Variants in TMEM154 observed in about 807,000 individuals in gnomAD.
The protein encoded by TMEM154 is transmembrane protein 154.
A neutral mutation model predicts 24.5 loss-of-function variants in TMEM154; 27 were observed. The ratio of observed to expected loss-of-function variants is 1.10; its 90% CI spans 0.81 to 1.52. The LOEUF (loss-of-function observed/expected upper bound fraction) is 1.52. Ranked by LOEUF, TMEM154 falls within the 40% of genes most tolerant of loss-of-function variation. The pLI is 0.00. For missense variants in TMEM154, 228 were observed against 213.4 expected, an observed-to-expected ratio of 1.07 and a Z score of -0.43; for synonymous variants, 67 against 76.8, an observed-to-expected ratio of 0.87 and a Z score of 0.67.
chr4:152,643,239 G>A (rs1752290487), intron 4 of TMEM154, 66 bp from the exon 5 acceptor site: 1 of 1,213,126 alleles, frequency 8.2e-7, no homozygotes, highest in Admixed American at 2.0e-5. Context: ...CATTTGGAAA[G>A]AGACTAGAAT....
intron 1 of TMEM154, among the ~76,000 whole-genome samples, chr4:152,665,244 C>T (rs533795918): frequency 6.6e-6 from 1 of 152,164 alleles, no homozygotes; most frequent in Non-Finnish European, 1.5e-5. Context: ...AGGGGTAGAA[C>T]CCAGGTCTCA....
chr4:152,679,250 CA>C (rs143908710), intron 1 of TMEM154, among the ~76,000 whole-genome samples: 75 of 147,530 alleles, frequency 5.1e-4, no homozygotes, highest in African/African-American at 1.2e-3. Flanking sequence ...ACAATCAATG[CA>C]AAAAAAAAAT....
At chr4:152,658,812 C>CAAAAAA (rs1266761468) in intron 1 of TMEM154, among the ~76,000 whole-genome samples, 2 of 96,010 alleles carry the variant, frequency 2.1e-5, no homozygotes, top group African/African-American at 8.4e-5. Context: ...GATTCCATCT[C>CAAAAAA]AAAAGAAAAA....
At chr4:152,650,428 C>T (rs1006480360) in intron 3 of TMEM154, among the ~76,000 whole-genome samples, 6 of 151,946 alleles carry the variant, frequency 3.9e-5, no homozygotes, top group East Asian at 3.8e-4. Flanking sequence ...AGCCACTTAA[C>T]GTTTTATCAT....
At chr4:152,647,579 G>C (rs1728281651) in intron 3 of TMEM154, among the ~76,000 whole-genome samples, 1 of 152,086 alleles carries the variant, frequency 6.6e-6, no homozygotes, top group Admixed American at 6.5e-5. Flanking sequence ...TAAAAATAAT[G>C]TACCAATTTT....
Position 152,663,207 on chromosome 4 carries a change from A to G in TMEM154, c.65-10280T>C, listed in dbSNP as rs1728650604. Among the ~76,000 whole-genome samples, 2 of 152,066 alleles carry G rather than the reference A, an allele frequency of 1.3e-5. 1 individual carries two copies. The highest frequency in any genetic ancestry group is 4.1e-4 in the South Asian group (2 of 4,826). Reference sequence around the variant, plus strand: ...ATCCATCACCTGTTCTCTTTCCCCCATCTCTGTACTTGCCTGTTTCTCTGC... The same window carrying G: ...ATCCATCACCTGTTCTCTTTCCCCCGTCTCTGTACTTGCCTGTTTCTCTGC... On this transcript the variant is annotated intron_variant, in intron 1 of 6. Coordinates refer to ENST00000304385, the MANE Select transcript of TMEM154 (RefSeq NM_152680.3).
chr4:152,642,165 C>T (rs535067656), intron 5 of TMEM154, among the ~76,000 whole-genome samples: 2 of 151,722 alleles, frequency 1.3e-5, no homozygotes, highest in Non-Finnish European at 2.9e-5. Flanking sequence ...GTTATCCACC[C>T]GCCTCGGCCT....
chr4:152,631,257 T>C (rs1397971931), intron 6 of TMEM154, among the ~76,000 whole-genome samples: 2 of 152,238 alleles, frequency 1.3e-5, no homozygotes, highest in Non-Finnish European at 2.9e-5. Flanking sequence ...CTCTCCAACA[T>C]TGAATATTAT....
intron 3 of TMEM154, among the ~76,000 whole-genome samples, chr4:152,646,029 A>C (rs1025507648): frequency 1.3e-5 from 2 of 152,054 alleles, no homozygotes; most frequent in South Asian, 2.1e-4. Context: ...CTATTTCCTT[A>C]AGGAATTTTA....
chr4:152,637,546 GA>G (rs34604615), intron 6 of TMEM154, among the ~76,000 whole-genome samples: 16,647 of 147,542 alleles, frequency 0.11, 1,222 homozygotes, highest in African/African-American at 0.21. Flanking sequence ...ACTCAGTCTC[GA>G]AAAAAAAAAA....
intron 1 of TMEM154, 150 bp downstream of exon 1, chr4:152,679,720 A>C (rs79803668): frequency 9.9e-5 from 115 of 1,158,172 alleles, no homozygotes; most frequent in South Asian, 3.1e-4. Context: ...CCCACCCCCC[A>C]AAAAAAGGAG....
chr4:152,632,972 C>T (rs1391246134), intron 6 of TMEM154, among the ~76,000 whole-genome samples: 1 of 152,030 alleles, frequency 6.6e-6, no homozygotes, highest in Non-Finnish European at 1.5e-5. Context: ...CACACAGACA[C>T]ATGAATGAAT....
At chr4:152,631,842 T>G (rs540113335) in intron 6 of TMEM154, among the ~76,000 whole-genome samples, 20 of 112,910 alleles carry the variant, frequency 1.8e-4, no homozygotes, top group Non-Finnish European at 2.8e-4. Flanking sequence ...TCTCGCTCTG[T>G]CACCCAGGCT....
chr4:152,661,268 C>A, intron 1 of TMEM154, among the ~76,000 whole-genome samples: 1 of 128,654 alleles, frequency 7.8e-6, no homozygotes, highest in Admixed American at 8.6e-5. Flanking sequence ...AAATGAGAAT[C>A]AAGGGATTGT....
intron 3 of TMEM154, among the ~76,000 whole-genome samples, chr4:152,647,767 T>C (rs989141389): frequency 2.6e-5 from 4 of 152,222 alleles, no homozygotes; most frequent in African/African-American, 4.8e-5. Flanking sequence ...TTAGCACTTA[T>C]GCCAGGTACT....
At chr4:152,655,713 A>C (rs1561052736) in intron 1 of TMEM154, among the ~76,000 whole-genome samples, 1 of 150,784 alleles carries the variant, frequency 6.6e-6, no homozygotes, top group Non-Finnish European at 1.5e-5. Context: ...TTGCTGCTAT[A>C]AACTGCTGCT....
At chr4:152,630,380 G>A (rs1276770294) in intron 6 of TMEM154, among the ~76,000 whole-genome samples, 1 of 146,570 alleles carries the variant, frequency 6.8e-6, no homozygotes, top group African/African-American at 2.5e-5. Flanking sequence ...TGAAAACTTA[G>A]AAATGTTTCA....
chr4:152,639,468 T>C (rs1752211035), intron 6 of TMEM154, among the ~76,000 whole-genome samples: 1 of 152,208 alleles, frequency 6.6e-6, no homozygotes, highest in African/African-American at 2.4e-5. Flanking sequence ...ACCAGACATA[T>C]ATAGTTACAT....
chr4:152,669,769 TAAC>T (rs1728789183), intron 1 of TMEM154: 1 of 152,150 alleles, frequency 6.6e-6, no homozygotes, highest in Non-Finnish European at 1.5e-5. Flanking sequence ...AAGTAGAAAA[TAAC>T]AACGATGGTT....
Sources: gnomAD v4.1 joint callset for allele counts (sites outside exome capture counted in the v4.1 genomes callset) on GRCh38, gnomAD v4.1.1 for gene constraint, MANE v1.5 for transcripts, NCBI Gene and HGNC (gene_info 2026-07-23, HGNC 2026-07-21) for gene names.